SLC35F2: variants seen among roughly 807,000 people sequenced by gnomAD.
SLC35F2 encodes the protein solute carrier family 35 member F2.
Under a neutral mutation model 38.1 loss-of-function variants are expected in SLC35F2, and 25 were observed. That is an observed-to-expected ratio of 0.66 (90% CI 0.48 to 0.92). The LOEUF (loss-of-function observed/expected upper bound fraction) is 0.92, where lower values mean the gene tolerates loss of function less well. Ranked by LOEUF, SLC35F2 falls within the 40% of genes least tolerant of loss-of-function variation. The pLI is 0.00. For synonymous variants in SLC35F2, 173 were observed against 181.7 expected (o/e 0.95, Z 0.38); for missense variants, 409 against 452.9 (o/e 0.90, Z 0.88).
At chr11:107,853,774 T>C (rs1279328757) in intron 1 of SLC35F2, among the ~76,000 whole-genome samples, 1 of 147,414 alleles carries the variant, frequency 6.8e-6, no homozygotes, top group Non-Finnish European at 1.5e-5. Context: ...TGTCCAGCAC[T>C]CTGCTACAAA....
chr11:107,850,180 T>C (rs529019178), intron 1 of SLC35F2, among the ~76,000 whole-genome samples: 2 of 152,088 alleles, frequency 1.3e-5, no homozygotes, highest in African/African-American at 4.8e-5. Context: ...CCCCTCTACC[T>C]AGAGGGACTC....
intron 7 of SLC35F2, among the ~76,000 whole-genome samples, chr11:107,797,588 A>T (rs1220762621): frequency 6.6e-6 from 1 of 152,176 alleles, no homozygotes. Context: ...AAAACTAAGT[A>T]ATTTTTTGAA....
chr11:107,833,902 A>T (rs891457787), intron 1 of SLC35F2, among the ~76,000 whole-genome samples: 2 of 152,248 alleles, frequency 1.3e-5, no homozygotes, highest in African/African-American at 4.8e-5. Context: ...TTACAGAGAG[A>T]TAAACAATTT....
At chr11:107,806,594 G>A in intron 4 of SLC35F2, 123 bp downstream of exon 4, 1 of 854,666 alleles carries the variant, frequency 1.2e-6, no homozygotes, top group African/African-American at 1.7e-5. Context: ...GTGGCAAAGT[G>A]TTCTCACCTA....
intron 4 of SLC35F2, among the ~76,000 whole-genome samples, chr11:107,806,041 C>A (rs905631961): frequency 6.6e-6 from 1 of 152,168 alleles, no homozygotes; most frequent in Non-Finnish European, 1.5e-5. Context: ...CCTTGGCCTT[C>A]CAAAATGTTG....
At chr11:107,848,280 G>C (rs1860128067) in intron 1 of SLC35F2, among the ~76,000 whole-genome samples, 1 of 152,164 alleles carries the variant, frequency 6.6e-6, no homozygotes, top group Non-Finnish European at 1.5e-5. Context: ...GAAGAAAAAG[G>C]AGAGAAGGGT....
chr11:107,831,574 G>A (rs1859842313), intron 1 of SLC35F2, among the ~76,000 whole-genome samples: 1 of 151,920 alleles, frequency 6.6e-6, no homozygotes, highest in Non-Finnish European at 1.5e-5. Flanking sequence ...TTATCTTCGT[G>A]AAGTGGGGGG....
intron 1 of SLC35F2, chr11:107,823,257 T>G (rs1184485716): frequency 1.0e-6 from 1 of 979,026 alleles, no homozygotes; most frequent in Non-Finnish European, 1.2e-6. Flanking sequence ...ATTCTTTTCT[T>G]TTTATTTGAA....
intron 2 of SLC35F2, among the ~76,000 whole-genome samples, chr11:107,812,102 C>T (rs535451084): frequency 3.3e-5 from 5 of 152,188 alleles, no homozygotes; most frequent in Admixed American, 2.6e-4. Context: ...ATGGGGGTCT[C>T]ACCATGTTGC....
rs543980052 is a variant in SLC35F2 at position 107,804,592 on chromosome 11, ATATG to A, written c.784+122_784+125del. ...AACTCAATGTAAACCACTATAGTTG[ATATG>A]TATTAAATCACTCCTGGATTTTACA... On this transcript the variant is annotated intron_variant, in intron 6 of 7. Transcript: ENST00000525815. The A allele has an allele frequency of 7.0e-5, 46 of 661,102 alleles. No individual in the cohort carries two copies. The South Asian group carries it at 1.0e-3, about 14-fold the overall frequency. The allele number at this position is 661,102 out of a possible 1,614,324, so 41.0% of individuals were successfully genotyped here.
intron 6 of SLC35F2, chr11:107,803,512 C>T: frequency 1.0e-6 from 1 of 984,946 alleles, no homozygotes. Flanking sequence ...ATCAACATCT[C>T]ATGTCAAGAA....
chr11:107,805,408 A>G lies in SLC35F2; in HGVS notation c.682T>C (p.Phe228Leu), dbSNP rs1170822124. ...YIVKKLSRQE[F>L]LGMVGLFGTI... The stretch of plus-strand genomic sequence containing the variant: ...CCAAACAGGCCCACCATTCCTAAAA[A>G]CTCCTGTCTGCTCAGCTTCTTCACG... The change falls in exon 5 of 8, where the codon TTT (phenylalanine) becomes CTT (leucine). Residue 228 changes from phenylalanine to leucine, a missense_variant. Transcript: ENST00000525815. 6.2e-7 allele frequency: 1 copy of G among 1,614,078 alleles called. No homozygotes were observed. Among genetic ancestry groups the G allele is most frequent in the Non-Finnish European group, 8.5e-7 (1 of 1,180,000 alleles).
At chr11:107,844,987 A>G (rs1340890156) in intron 1 of SLC35F2, among the ~76,000 whole-genome samples, 1 of 151,946 alleles carries the variant, frequency 6.6e-6, no homozygotes, top group Non-Finnish European at 1.5e-5. Flanking sequence ...AGAAAAAAAA[A>G]AAAAAAAAGA....
chr11:107,833,173 ATT>A (rs1480048256), intron 1 of SLC35F2, among the ~76,000 whole-genome samples: 1 of 152,040 alleles, frequency 6.6e-6, no homozygotes, highest in African/African-American at 2.4e-5. Flanking sequence ...ATCTTATTTT[ATT>A]TTTGATCCAT....
chr11:107,801,462 CATG>C (rs1266909365), intron 7 of SLC35F2, among the ~76,000 whole-genome samples: 3 of 151,692 alleles, frequency 2.0e-5, no homozygotes, highest in Non-Finnish European at 2.9e-5. Context: ...AAAATGATAA[CATG>C]ATGAATTTAT....
intron 7 of SLC35F2, among the ~76,000 whole-genome samples, chr11:107,799,634 A>G (rs1478536813): frequency 1.3e-5 from 2 of 152,138 alleles, no homozygotes; most frequent in African/African-American, 4.8e-5. Flanking sequence ...CCTGTCACCC[A>G]GGCTGGAGTG....
chr11:107,805,598 G>A (rs1859378348), intron 4 of SLC35F2, 83 bp from the exon 5 acceptor site: 13 of 1,501,852 alleles, frequency 8.7e-6, no homozygotes, highest in Admixed American at 5.0e-5. Context: ...CATCTGACTC[G>A]TGTTCATTTA....
intron 7 of SLC35F2, among the ~76,000 whole-genome samples, chr11:107,801,506 T>A (rs1859310717): frequency 1.3e-5 from 2 of 152,204 alleles, no homozygotes; most frequent in African/African-American, 4.8e-5. Context: ...AAGTATTTTT[T>A]AATTTCTCAG....
At chr11:107,837,502 A>G (rs773599012) in intron 1 of SLC35F2, among the ~76,000 whole-genome samples, 12 of 148,054 alleles carry the variant, frequency 8.1e-5, no homozygotes, top group Non-Finnish European at 1.5e-4. Context: ...AGCCTGGCCA[A>G]CATGGAGAAG....
Sources: gnomAD v4.1 joint callset for allele counts (sites outside exome capture counted in the v4.1 genomes callset) on GRCh38, gnomAD v4.1.1 for gene constraint, MANE v1.5 for transcripts, NCBI Gene and HGNC (gene_info 2026-07-23, HGNC 2026-07-21) for gene names.